The following CATSPERB variants were observed in gnomAD, a reference collection of about 807,000 sequenced individuals.
CATSPERB encodes the protein catsper channel auxiliary subunit beta.
Under a neutral mutation model 128.3 loss-of-function variants are expected in CATSPERB, and 93 were observed. The ratio of observed to expected loss-of-function variants is 0.72; its 90% CI spans 0.61 to 0.86. The LOEUF is 0.86. Among genes scored for constraint, CATSPERB ranks in the 40% least tolerant of loss-of-function variants. The pLI, the probability that CATSPERB is intolerant of heterozygous loss-of-function variation, is 0.00. For synonymous variants in CATSPERB, 381 were observed against 448.8 expected (o/e 0.85, Z 1.91); for missense variants, 1,153 against 1,329.5 (o/e 0.87, Z 2.06).
intron 6 of CATSPERB, among the ~76,000 whole-genome samples, chr14:91,706,132 C>T (rs1225978061): frequency 6.6e-6 from 1 of 152,082 alleles, no homozygotes; most frequent in Non-Finnish European, 1.5e-5. Context: ...TGCTACAAAC[C>T]CAAAGACTTT....
intron 17 of CATSPERB, among the ~76,000 whole-genome samples, chr14:91,629,049 T>C (rs913071558): frequency 2.0e-5 from 3 of 152,216 alleles, no homozygotes; most frequent in Admixed American, 6.5e-5. Flanking sequence ...CTTATATCTA[T>C]ACAAAACCTG....
rs1270241731 is a variant in CATSPERB at position 91,669,915 on chromosome 14, G to T, written c.1186C>A (p.Gln396Lys). The T allele has an allele frequency of 4.3e-6, 7 of 1,613,446 alleles. No individual in the cohort carries two copies. The highest frequency in any genetic ancestry group is 5.9e-6 in the Non-Finnish European group (7 of 1,179,806). The change falls in exon 14 of 27, where the codon CAA (glutamine) becomes AAA (lysine). Residue 396 changes from glutamine (Q) to lysine (K), a missense_variant. By Grantham distance (53) the Gln-to-Lys change is moderately conservative. Coordinates refer to ENST00000256343, the MANE Select transcript of CATSPERB (RefSeq NM_024764.4). ...STLRNNEPNSQSKFPIFRFPS... is the reference protein window; with the variant it reads ...STLRNNEPNSKSKFPIFRFPS... ...AACCGAAAAATTGGAAATTTTGATT[G>T]TGAATTTGGTTCATTATTTCTCAGG...
intron 6 of CATSPERB, 135 bp downstream of exon 6, chr14:91,708,006 G>C: frequency 1.5e-6 from 1 of 661,352 alleles, no homozygotes; most frequent in Non-Finnish European, 2.6e-6. Context: ...GTGCCTCAAG[G>C]GTCATGATTA....
At chr14:91,603,478 G>T in intron 22 of CATSPERB, 1 of 1,275,760 alleles carries the variant, frequency 7.8e-7, no homozygotes, top group Non-Finnish European at 1.1e-6. Context: ...TGCTCCCTAA[G>T]TCTTAAAGTG....
At chr14:91,613,921 A>G (rs1266753109) in intron 20 of CATSPERB, among the ~76,000 whole-genome samples, 1 of 152,244 alleles carries the variant, frequency 6.6e-6, no homozygotes, top group Non-Finnish European at 1.5e-5. Context: ...CACTTGAAAC[A>G]TGCTTGCAAG....
chr14:91,704,451 T>C, intron 7 of CATSPERB, 101 bp downstream of exon 7: 2 of 1,231,728 alleles, frequency 1.6e-6, no homozygotes, highest in African/African-American at 1.5e-5. Flanking sequence ...GAAACAATTT[T>C]CCTTCCCTAT....
chr14:91,652,670 CAAAAAAAAAAAAAAAAAAAA>C (rs58608847), intron 15 of CATSPERB, among the ~76,000 whole-genome samples: 2 of 69,214 alleles, frequency 2.9e-5, no homozygotes, highest in East Asian at 4.2e-4. Flanking sequence ...GACTCTGTCT[CAAAAAAAAAAAAAAAAAAAA>C]AAAAAAAAAA....
chr14:91,712,830 C>T (rs1438553151), intron 5 of CATSPERB, among the ~76,000 whole-genome samples: 1 of 152,176 alleles, frequency 6.6e-6, no homozygotes, highest in Non-Finnish European at 1.5e-5. Flanking sequence ...AATTTAGACA[C>T]ACCAATTAAC....
chr14:91,612,059 TCTTTCTTC>T (rs72515246), intron 20 of CATSPERB, among the ~76,000 whole-genome samples: 29,262 of 113,194 alleles, frequency 0.26, 3,236 homozygotes, highest in Admixed American at 0.37. Context: ...TTTCTTTCTT[TCTTTCTTC>T]CTTTTTTTAA....
intron 22 of CATSPERB, among the ~76,000 whole-genome samples, chr14:91,606,978 G>A (rs1165855319): frequency 1.1e-5 from 1 of 92,708 alleles, no homozygotes; most frequent in Admixed American, 1.3e-4. Context: ...TGGACGTGGA[G>A]AAGAACTCAG....
intron 22 of CATSPERB, among the ~76,000 whole-genome samples, chr14:91,595,160 G>A (rs751101820): frequency 1.3e-3 from 203 of 151,970 alleles, no homozygotes; most frequent in African/African-American, 4.6e-3. Flanking sequence ...GACAAATCAC[G>A]GTATGACTGG....
intron 25 of CATSPERB, 48 bp from the exon 26 acceptor site, chr14:91,587,324 T>G (rs1893320893): frequency 7.3e-7 from 1 of 1,377,690 alleles, no homozygotes; most frequent in African/African-American, 1.5e-5. Flanking sequence ...ACATGTACAT[T>G]CCTTTAAGTA....
At chr14:91,662,970 A>G (rs1894911172) in intron 14 of CATSPERB, among the ~76,000 whole-genome samples, 1 of 152,170 alleles carries the variant, frequency 6.6e-6, no homozygotes, top group African/African-American at 2.4e-5. Flanking sequence ...TGTAAATATC[A>G]TCTCCCAGTT....
chr14:91,632,973 GA>G (rs1329241262), intron 17 of CATSPERB, among the ~76,000 whole-genome samples: 1 of 152,142 alleles, frequency 6.6e-6, no homozygotes, highest in Admixed American at 6.6e-5. Context: ...AAAGCCAAGA[GA>G]AATTTGTACA....
chr14:91,730,912 C>G (rs909693690), intron 1 of CATSPERB, among the ~76,000 whole-genome samples: 22 of 152,214 alleles, frequency 1.4e-4, no homozygotes, highest in African/African-American at 5.3e-4. Flanking sequence ...TAAAAATCAT[C>G]TGAGAAAACA....
intron 26 of CATSPERB, among the ~76,000 whole-genome samples, chr14:91,586,959 C>T (rs1262034751): frequency 1.3e-5 from 2 of 152,156 alleles, no homozygotes; most frequent in Non-Finnish European, 2.9e-5. Flanking sequence ...AAAACAAAGA[C>T]AGCCACGTAT....
intron 22 of CATSPERB, among the ~76,000 whole-genome samples, chr14:91,601,009 T>C (rs1273234248): frequency 6.6e-6 from 1 of 152,228 alleles, no homozygotes; most frequent in Non-Finnish European, 1.5e-5. Flanking sequence ...GGTATTTGGC[T>C]CTGGTACGAA....
intron 5 of CATSPERB, chr14:91,710,565 G>C (rs968871355): frequency 3.3e-5 from 5 of 152,192 alleles, no homozygotes; most frequent in Admixed American, 1.3e-4. Context: ...CCTGATGATT[G>C]ATGTGATACT....
intron 7 of CATSPERB, among the ~76,000 whole-genome samples, chr14:91,704,042 C>G (rs958988903): frequency 2.6e-5 from 4 of 152,020 alleles, no homozygotes; most frequent in African/African-American, 9.7e-5. Context: ...CATAGGACAC[C>G]TACTCGGTCA....
Sources: gnomAD v4.1 joint callset for allele counts (sites outside exome capture counted in the v4.1 genomes callset) on GRCh38, gnomAD v4.1.1 for gene constraint, MANE v1.5 for transcripts, NCBI Gene and HGNC (gene_info 2026-07-23, HGNC 2026-07-21) for gene names.